The following PSKH2 variants were observed in gnomAD, a reference collection of about 807,000 sequenced individuals.
PSKH2 encodes protein serine kinase H2.
A neutral mutation model predicts 22.5 loss-of-function variants in PSKH2; 16 were observed. That is an observed-to-expected ratio of 0.71 (90% CI 0.48 to 1.08). The LOEUF is 1.08. Among genes scored for constraint, PSKH2 ranks in the 50% least tolerant of loss-of-function variants. The probability of loss-of-function intolerance (pLI) is 0.00; values close to 1 mark genes in which losing one functional copy is unlikely to be tolerated. For missense variants in PSKH2, 516 were observed against 492.8 expected, an observed-to-expected ratio of 1.05 and a Z score of -0.44; for synonymous variants, 188 against 184.8, an observed-to-expected ratio of 1.02 and a Z score of -0.14.
chr8:86,055,905 C>T (rs1817692494), intron 2 of PSKH2, among the ~76,000 whole-genome samples: 1 of 151,924 alleles, frequency 6.6e-6, no homozygotes, highest in Admixed American at 6.6e-5. Flanking sequence ...ACAGGTGAAC[C>T]TAAGTAGATA....
chr8:86,048,543 T>C lies in PSKH2; in HGVS notation c.1077A>G (p.Ser359=). ...TATGCCTGGATTTGTGAGAATAATG[T>C]GACTTAGAAGACTGTGCAGATCCAG... ...QSPGSAQSSK[S]HYSHKSRHMW... is the part of the protein sequence containing the mutation. The change falls in exon 3 of 3, where the codon TCA becomes TCG. Residue 359 remains serine, a synonymous_variant. Transcript: ENST00000276616. 1 of 1,614,142 alleles carries C rather than the reference T, an allele frequency of 6.2e-7. No homozygotes were observed. Among genetic ancestry groups the C allele is most frequent in the Non-Finnish European group, 8.5e-7 (1 of 1,179,990 alleles).
Position 86,069,443 on chromosome 8 carries a change from A to G in PSKH2, c.180T>C (p.Leu60=), listed in dbSNP as rs961401393. 1.1e-5 allele frequency: 18 copies of G among 1,584,942 alleles called. No individual in the cohort carries two copies. The highest frequency in any genetic ancestry group is 3.7e-5 in the Admixed American group (2 of 53,882). ...RFRAKFDPRV[L]ARYDIKALIG... ...TTCCTCACGTGGCGCTTTACCTGGCAAGGACCCGGGGGTCGAACTTGGCTC... is the reference window on the plus strand; with the variant it reads ...TTCCTCACGTGGCGCTTTACCTGGCGAGGACCCGGGGGTCGAACTTGGCTC... The change falls in exon 1 of 3, where the codon CTT becomes CTC. Residue 60 remains leucine, a synonymous_variant. Transcript: ENST00000276616.
chr8:86,064,325 G>A lies in PSKH2; in HGVS notation c.492C>T (p.Leu164=). The change falls in exon 2 of 3, where the codon CTC becomes CTT. Residue 164 remains leucine, a synonymous_variant. Transcript: ENST00000276616. ...SFTERDAVRI[L]QMVADGIRYL... Reference sequence around the variant, plus strand: ...ACCTAATCCCATCAGCAACCATCTGGAGGATCCTGACGGCATCCCGCTCTG... The same window carrying A: ...ACCTAATCCCATCAGCAACCATCTGAAGGATCCTGACGGCATCCCGCTCTG... The A allele has an allele frequency of 6.2e-7, 1 of 1,614,098 alleles. No individual in the cohort carries two copies. The highest frequency in any genetic ancestry group is 8.5e-7 in the Non-Finnish European group (1 of 1,180,016).
At position 86,047,326 on chromosome 8, in the gene PSKH2, A is replaced by C; in HGVS notation, c.*1136T>G. 6.6e-6 allele frequency among the ~76,000 whole-genome samples: 1 copy of C among 151,998 alleles called. No homozygotes were observed. The highest frequency in any genetic ancestry group is 2.4e-5 in the African/African-American group (1 of 41,458). Reference sequence around the variant, plus strand: ...ATATCATGTGATACAGCATTACAACATAAAAAGAAAATAGTTGTGTCACTA... The same window carrying C: ...ATATCATGTGATACAGCATTACAACCTAAAAAGAAAATAGTTGTGTCACTA... On this transcript the variant is annotated 3_prime_UTR_variant, in exon 3 of 3. Coordinates refer to ENST00000276616, the MANE Select transcript of PSKH2 (RefSeq NM_033126.3).
In PSKH2 at chr8:86,069,502, G is replaced by A. The variant is rs1422638832; in HGVS notation, c.121C>T (p.Gln41Ter). The change falls in exon 1 of 3, where the codon CAG becomes TAG. Residue 41 changes from glutamine to a stop codon, truncating the protein, a stop_gained. Transcript: ENST00000276616. LOFTEE classifies it high-confidence loss of function. ...GAGPGPEAAA[Q>*]AAQRIQVARF... ...GCCACCTGTATCCTCTGCGCCGCCT[G>A]GGCCGCCGCCTCGGGCCCAGGCCCC... is the stretch of plus-strand genomic sequence containing the variant. 2 of 1,609,150 alleles carry A rather than the reference G, an allele frequency of 1.2e-6. No individual in the cohort carries two copies. Among genetic ancestry groups the A allele is most frequent in the East Asian group, 2.2e-5 (1 of 44,742 alleles).
chr8:86,064,736 T>G (rs1817834939), intron 1 of PSKH2, 105 bp from the exon 2 acceptor site: 1 of 910,504 alleles, frequency 1.1e-6, no homozygotes, highest in East Asian at 2.6e-5. Context: ...ATTCCTCCCA[T>G]CAGATTTATT....
chr8:86,064,084 T>G lies in PSKH2; in HGVS notation c.733A>C (p.Met245Leu). The G allele has an allele frequency of 6.2e-7, 1 of 1,614,170 alleles. No individual in the cohort carries two copies. Among genetic ancestry groups the G allele is most frequent in the Non-Finnish European group, 8.5e-7 (1 of 1,180,016 alleles). Residue 245 changes from methionine to leucine, a missense_variant, in exon 2 of 3, where the codon ATG (methionine) becomes CTG (leucine). Met to Leu is a conservative substitution (Grantham distance 15). Transcript: ENST00000276616. ...LRKPYTSAVD[M>L]WALGVITYAL... ...TATGTGATCACACCAAGAGCCCACA[T>G]GTCCACTGCACTGGTATAAGGCTTC...
At chr8:86,055,296 C>T (rs549185073) in intron 2 of PSKH2, among the ~76,000 whole-genome samples, 4 of 151,474 alleles carry the variant, frequency 2.6e-5, no homozygotes, top group Non-Finnish European at 5.9e-5. Flanking sequence ...ATACCCTAAT[C>T]ACTAATGCAA....
At position 86,064,099 on chromosome 8, in the gene PSKH2, T is replaced by C; in HGVS notation, c.718A>G (p.Thr240Ala). The C allele has an allele frequency of 6.2e-7, 1 of 1,614,134 alleles. No homozygotes were observed. The highest frequency in any genetic ancestry group is 8.5e-7 in the Non-Finnish European group (1 of 1,180,028). Residue 240 changes from threonine to alanine, a missense_variant, in exon 2 of 3, where the codon ACC becomes GCC. Thr to Ala is a moderately conservative substitution (Grantham distance 58). Coordinates refer to ENST00000276616, the MANE Select transcript of PSKH2 (RefSeq NM_033126.3). ...APEVLLRKPYTSAVDMWALGV... is the reference protein window; with the variant it reads ...APEVLLRKPYASAVDMWALGV... ...AGAGCCCACATGTCCACTGCACTGGTATAAGGCTTCCTTAGCAAAACCTCA... is the reference window on the plus strand; with the variant it reads ...AGAGCCCACATGTCCACTGCACTGGCATAAGGCTTCCTTAGCAAAACCTCA...
At chr8:86,069,747 G>A (rs983405088), upstream of PSKH2, 5 of 1,151,546 alleles carry the variant, frequency 4.3e-6, no homozygotes, top group African/African-American at 1.6e-5. Flanking sequence ...CCACTGGGGG[G>A]TCGTGGTCAG....
chr8:86,068,842 C>T (rs951281054), intron 1 of PSKH2, among the ~76,000 whole-genome samples: 1 of 152,096 alleles, frequency 6.6e-6, no homozygotes, highest in Non-Finnish European at 1.5e-5. Context: ...ACCCCCACCC[C>T]CCACCTCCGA....
rs548769543 is a variant in PSKH2 at position 86,060,953 on chromosome 8, C to T, written c.852+3012G>A. Among the ~76,000 whole-genome samples the T allele has an allele frequency of 7.9e-5, 12 of 152,280 alleles. No individual in the cohort carries two copies. The South Asian group carries it at 2.3e-3, about 29-fold the overall frequency. Reference sequence around the variant, plus strand: ...ATGCACGCACCCTTCTTTTGAAGTGCTTTGCTTCTAAATCCCAGCCCCCTG... The same window carrying T: ...ATGCACGCACCCTTCTTTTGAAGTGTTTTGCTTCTAAATCCCAGCCCCCTG... On this transcript the variant is annotated intron_variant, in intron 2 of 2. Transcript: ENST00000276616.
intron 1 of PSKH2, among the ~76,000 whole-genome samples, chr8:86,066,735 A>G (rs1361448379): frequency 6.6e-6 from 1 of 152,124 alleles, no homozygotes; most frequent in African/African-American, 2.4e-5. Flanking sequence ...TTGAATAAAA[A>G]TGACATTTGG....
At position 86,048,259 on chromosome 8, in the gene PSKH2, C is replaced by T. The variant is rs1817557405; in HGVS notation, c.*203G>A. ...GTTATCTAAACATAGCTAGTATTTACTAAACTGTTAATCATTTGCAGCAGT... is the reference window on the plus strand; with the variant it reads ...GTTATCTAAACATAGCTAGTATTTATTAAACTGTTAATCATTTGCAGCAGT... On this transcript the variant is annotated 3_prime_UTR_variant, in exon 3 of 3. Transcript: ENST00000276616. 1 of 484,848 alleles carries T rather than the reference C, an allele frequency of 2.1e-6. No individual in the cohort carries two copies. Among genetic ancestry groups the T allele is most frequent in the Non-Finnish European group, 3.7e-6 (1 of 273,090 alleles). The allele number at this position is 484,848 out of a possible 1,614,324, so 30.0% of individuals were successfully genotyped here. A position where few individuals can be genotyped will look rare whatever the true frequency, so the allele number is the denominator to read the frequency against.
In PSKH2 at chr8:86,048,742, G is replaced by A. The variant is rs376367089; in HGVS notation, c.878C>T (p.Ala293Val). Residue 293 changes from alanine to valine, a missense_variant, in exon 3 of 3, where the codon GCG becomes GTG. Transcript: ENST00000276616. ...CAGTAGTTTGTCTATAAAGTCCTTC[G>A]CCAAGTGGGAAATGCTTGGCCAAGG... ...GEPWPSISHL[A>V]KDFIDKLLIL... The A allele has an allele frequency of 2.9e-5, 46 of 1,609,616 alleles. No homozygotes were observed. Among genetic ancestry groups the A allele is most frequent in the East Asian group, 8.9e-5 (4 of 44,794 alleles).
intron 2 of PSKH2, among the ~76,000 whole-genome samples, chr8:86,050,821 G>A (rs754184945): frequency 7.2e-5 from 11 of 152,126 alleles, no homozygotes; most frequent in Admixed American, 3.3e-4. Flanking sequence ...CTCTGCCATT[G>A]TGTAACGATA....
At chr8:86,067,680 A>C (rs1817884985) in intron 1 of PSKH2, among the ~76,000 whole-genome samples, 1 of 152,176 alleles carries the variant, frequency 6.6e-6, no homozygotes, top group African/African-American at 2.4e-5. Context: ...AAACAAGGAA[A>C]TAATAATAGT....
intron 2 of PSKH2, among the ~76,000 whole-genome samples, chr8:86,052,063 T>C (rs1049199974): frequency 2.6e-5 from 4 of 152,212 alleles, no homozygotes; most frequent in Non-Finnish European, 4.4e-5. Flanking sequence ...CTAATATACA[T>C]ACACGTACAT....
intron 2 of PSKH2, among the ~76,000 whole-genome samples, chr8:86,056,425 A>G (rs1282461964): frequency 6.6e-6 from 1 of 152,266 alleles, no homozygotes; most frequent in Non-Finnish European, 1.5e-5. Context: ...ACAGTGGAAT[A>G]TAATTAGACA....
Sources: allele counts gnomAD v4.1 joint callset (sites outside exome capture counted in the v4.1 genomes callset), GRCh38; gene constraint gnomAD v4.1.1; transcripts MANE v1.5; gene names NCBI Gene and HGNC (gene_info 2026-07-23, HGNC 2026-07-21).